Variants in BICD2 observed in about 807,000 individuals in gnomAD.
BICD2 encodes the protein protein bicaudal D homolog 2.
In BICD2, 25 loss-of-function variants were observed where a neutral mutation model predicts 72.9. That is an observed-to-expected ratio of 0.34 (90% CI 0.25 to 0.48). BICD2 has a LOEUF of 0.48. BICD2 is among the 20% of genes least tolerant of loss of function. The probability of loss-of-function intolerance (pLI) is 0.99; values close to 1 mark genes in which losing one functional copy is unlikely to be tolerated. For synonymous variants in BICD2, 501 were observed against 516.1 expected, an observed-to-expected ratio of 0.97 and a Z score of 0.40; for missense variants, 894 against 1,175.2, an observed-to-expected ratio of 0.76 and a Z score of 3.50.
chr9:92,740,874 G>C (rs2131521424), intron 1 of BICD2, among the ~76,000 whole-genome samples: 1 of 152,284 alleles, frequency 6.6e-6, no homozygotes, highest in South Asian at 2.1e-4. Flanking sequence ...TTGGCAAGAT[G>C]GGCATCGGCA....
intron 1 of BICD2, among the ~76,000 whole-genome samples, chr9:92,763,414 G>T (rs906343736): frequency 1.1e-4 from 17 of 152,120 alleles, no homozygotes; most frequent in African/African-American, 4.1e-4. Context: ...CCGCACACCA[G>T]TCCTTTCCAA....
At position 92,715,216 on chromosome 9, in the gene BICD2, C is replaced by A; in HGVS notation, c.2506G>T (p.Glu836Ter). The A allele has an allele frequency of 6.2e-7, 1 of 1,612,870 alleles. No homozygotes were observed. Among genetic ancestry groups the A allele is most frequent in the Non-Finnish European group, 8.5e-7 (1 of 1,179,694 alleles). Residue 836 changes from glutamate to a stop codon, truncating the protein, a stop_gained, in exon 7 of 7, where the codon GAG becomes TAG. Transcript: ENST00000356884. LOFTEE classifies it high-confidence loss of function. ...HTCACASDRA[E>*]GTGLANQVFC... ...ACCTGGTTGGCCAGCCCGGTGCCCT[C>A]GGCCCTGTCGCTGGCACAGGCACAG...
In BICD2 at chr9:92,720,262, G is replaced by T; in HGVS notation, c.1062+38C>A. ...GCTCGGGGAGCCCTGCAGACCTGGA[G>T]TGGGGACAGCGTGCCGAAGGCCCCA... On this transcript the variant is annotated intron_variant, in intron 4 of 6. Coordinates refer to ENST00000356884, the MANE Select transcript of BICD2 (RefSeq NM_001003800.2). This position sits in a 1 kb window ranked among gnomAD's most constrained non-coding sequence, Gnocchi z 5.4. 6.4e-7 allele frequency: 1 copy of T among 1,571,306 alleles called. No individual in the cohort carries two copies.
intron 1 of BICD2, among the ~76,000 whole-genome samples, chr9:92,738,716 G>A (rs1564067668): frequency 1.3e-5 from 2 of 152,078 alleles, no homozygotes; most frequent in Non-Finnish European, 2.9e-5. Flanking sequence ...TACACCACCA[G>A]GGCAGGGGAA....
intron 1 of BICD2, among the ~76,000 whole-genome samples, chr9:92,754,484 A>G (rs1006798244): frequency 1.3e-5 from 2 of 152,256 alleles, no homozygotes; most frequent in Non-Finnish European, 2.9e-5. Flanking sequence ...AAGACACGTT[A>G]TAGCAGAACT....
At chr9:92,758,408 C>A (rs1854305982) in intron 1 of BICD2, among the ~76,000 whole-genome samples, 1 of 143,138 alleles carries the variant, frequency 7.0e-6, no homozygotes. Context: ...AAAAATTAGC[C>A]AGGTGTGGTG....
At chr9:92,730,238 C>T (rs111420442) in intron 1 of BICD2, among the ~76,000 whole-genome samples, 1,753 of 152,338 alleles carry the variant, frequency 0.012, 39 homozygotes, top group African/African-American at 0.04. Flanking sequence ...TATCTTTTTA[C>T]ATTAATCCTG....
intron 1 of BICD2, among the ~76,000 whole-genome samples, chr9:92,748,121 T>A (rs1408833535): frequency 6.6e-6 from 1 of 152,088 alleles, no homozygotes; most frequent in African/African-American, 2.4e-5. Context: ...TCCTCTTTCA[T>A]CCCTCTCTCT....
In BICD2 at chr9:92,712,102, T is replaced by C. The variant is rs540845698; in HGVS notation, c.*3052A>G. The C allele has an allele frequency of 6.5e-6, 1 of 152,758 alleles. No homozygotes were observed. Among genetic ancestry groups the C allele is most frequent in the South Asian group, 2.1e-4 (1 of 4,830 alleles). The allele number at this position is 152,758 out of a possible 1,614,324, so 9.5% of individuals were successfully genotyped here. ...CCCTACTGCGCATGCCAACACAGCG[T>C]CGGCCCTCCTGATACCCTCAGCTCT... is the stretch of plus-strand genomic sequence containing the variant. On this transcript the variant is annotated 3_prime_UTR_variant, in exon 7 of 7. Transcript: ENST00000356884.
At chr9:92,752,952 T>C (rs999341926) in intron 1 of BICD2, among the ~76,000 whole-genome samples, 3 of 152,074 alleles carry the variant, frequency 2.0e-5, no homozygotes, top group African/African-American at 7.2e-5. Context: ...GAATACAGTA[T>C]GGACAGGAAG....
intron 1 of BICD2, among the ~76,000 whole-genome samples, chr9:92,749,745 A>G (rs565669594): frequency 6.6e-6 from 1 of 152,330 alleles, no homozygotes; most frequent in East Asian, 1.9e-4. Flanking sequence ...CACAGACCCT[A>G]GCTACCCCGC....
chr9:92,750,442 T>C (rs765780942), intron 1 of BICD2, among the ~76,000 whole-genome samples: 35 of 141,138 alleles, frequency 2.5e-4, no homozygotes, highest in Non-Finnish European at 4.8e-4. Context: ...ACCCATATTA[T>C]TGTGATTTAA....
At chr9:92,718,023 G>A (rs576993673) in intron 5 of BICD2, 75 bp from the exon 6 acceptor site, 52 of 1,528,508 alleles carry the variant, frequency 3.4e-5, no homozygotes, top group Non-Finnish European at 4.1e-5. Context: ...AGCAGGATCG[G>A]GAGCCCCGGT....
At chr9:92,730,883 G>A (rs902577563) in intron 1 of BICD2, among the ~76,000 whole-genome samples, 16 of 152,360 alleles carry the variant, frequency 1.1e-4, no homozygotes, top group African/African-American at 2.9e-4. Context: ...CACCCACTAC[G>A]TGGAAGATGT....
At chr9:92,758,423 G>A (rs1281208765) in intron 1 of BICD2, among the ~76,000 whole-genome samples, 4 of 149,146 alleles carry the variant, frequency 2.7e-5, no homozygotes, top group Non-Finnish European at 5.9e-5. Context: ...GTGGTGGCGC[G>A]CACCTGTAAT....
At chr9:92,763,712 C>CA (rs1854419536) in intron 1 of BICD2, among the ~76,000 whole-genome samples, 15 of 152,332 alleles carry the variant, frequency 9.8e-5, no homozygotes, top group Admixed American at 7.8e-4. Context: ...TACTCTCCCC[C>CA]CAGTGGGAAT....
At chr9:92,726,988 A>C (rs953834239) in intron 2 of BICD2, among the ~76,000 whole-genome samples, 5 of 152,298 alleles carry the variant, frequency 3.3e-5, no homozygotes, top group African/African-American at 1.2e-4. Context: ...GCTTTTCAGG[A>C]ATAGACGGGC....
chr9:92,720,724 T>C lies in BICD2; in HGVS notation c.638A>G (p.Lys213Arg), dbSNP rs755962512. The C allele has an allele frequency of 2.6e-5, 42 of 1,613,984 alleles. No individual in the cohort carries two copies. Among genetic ancestry groups the C allele is most frequent in the Non-Finnish European group, 3.1e-5 (36 of 1,180,006 alleles). ...VEFEGLKHEIKRLEEETEYLN... is the reference protein window; with the variant it reads ...VEFEGLKHEIRRLEEETEYLN... ...GTACTCGGTCTCCTCCTCCAGACGC[T>C]TGATCTCATGCTTGAGGCCCTCAAA... The change falls in exon 4 of 7, where the codon AAG becomes AGG. Residue 213 changes from lysine (K) to arginine (R), a missense_variant. By Grantham distance (26) the Lys-to-Arg change is conservative (BLOSUM62 2). Transcript: ENST00000356884. The surrounding 1 kb of genome is among the most constrained non-coding windows in gnomAD (Gnocchi z 5.4).
Position 92,714,324 on chromosome 9 carries a change from C to T in BICD2, c.*830G>A, listed in dbSNP as rs766310310. The T allele has an allele frequency of 8.3e-5, 82 of 985,352 alleles. No homozygotes were observed. Among genetic ancestry groups the T allele is most frequent in the Non-Finnish European group, 9.8e-5 (81 of 829,952 alleles). 61.0% of individuals were successfully genotyped at this position (985,352 alleles called of 1,614,324 possible). ...CCGGATAATTGGCTGCTGGGGTCAC[C>T]CCAAGTACAAAAGGACGGGCTCTGC... On this transcript the variant is annotated 3_prime_UTR_variant, in exon 7 of 7. Coordinates refer to ENST00000356884, the MANE Select transcript of BICD2 (RefSeq NM_001003800.2).
Sources: gnomAD v4.1 joint callset for allele counts (sites outside exome capture counted in the v4.1 genomes callset) on GRCh38, gnomAD v4.1.1 for gene constraint, Gnocchi (gnomAD v3.1) non-coding constraint, MANE v1.5 for transcripts, NCBI Gene and HGNC (gene_info 2026-07-23, HGNC 2026-07-21) for gene names.